Variants in NUP54 observed in about 807,000 individuals in gnomAD.
NUP54 encodes the protein nucleoporin 54.
In NUP54, 27 loss-of-function variants were observed where a neutral mutation model predicts 66.4. The ratio of observed to expected loss-of-function variants is 0.41; its 90% CI spans 0.30 to 0.56. NUP54 has a LOEUF of 0.56. NUP54 is among the 20% of genes least tolerant of loss of function. NUP54 has a pLI of 0.34. For missense variants in NUP54, 486 were observed against 596.3 expected (o/e 0.82, Z 1.93); for synonymous variants, 206 against 210.7 (o/e 0.98, Z 0.19).
intron 3 of NUP54, among the ~76,000 whole-genome samples, chr4:76,137,671 T>C (rs1006906245): frequency 6.9e-6 from 1 of 144,688 alleles, no homozygotes; most frequent in South Asian, 2.2e-4. Flanking sequence ...ATTTCTCTAA[T>C]GGAAAGAAGG....
At chr4:76,119,782 ACT>A (rs942548398) in intron 9 of NUP54, among the ~76,000 whole-genome samples, 19 of 152,186 alleles carry the variant, frequency 1.2e-4, no homozygotes, top group African/African-American at 4.3e-4. Flanking sequence ...AGCCCAGCTT[ACT>A]CTGTTAAAAA....
At chr4:76,147,448 A>C (rs1056566872) in intron 1 of NUP54, 2 of 1,279,720 alleles carry the variant, frequency 1.6e-6, no homozygotes, top group Non-Finnish European at 2.0e-6. Context: ...AGCTCCCAAC[A>C]CTGGTTACAC....
intron 4 of NUP54, 117 bp downstream of exon 4, chr4:76,136,069 T>C (rs970504210): frequency 1.4e-6 from 1 of 706,770 alleles, no homozygotes; most frequent in Non-Finnish European, 2.4e-6. Context: ...AATAAAAGTA[T>C]AATCATACCA....
rs935347032 is a variant in NUP54 at position 76,117,927 on chromosome 4, A to G, written c.1284+148T>C. 9.9e-6 allele frequency: 10 copies of G among 1,008,520 alleles called. 1 individual carries two copies. Among genetic ancestry groups the G allele is most frequent in the Admixed American group, 8.8e-5 (4 of 45,710 alleles). The allele number at this position is 1,008,520 out of a possible 1,614,324, so 62.5% of individuals were successfully genotyped here. ...TCGAAACACTAATACTAGCCAAAAGAACCATGACTGAGTTTACTTTAGAAA... is the reference window on the plus strand; with the variant it reads ...TCGAAACACTAATACTAGCCAAAAGGACCATGACTGAGTTTACTTTAGAAA... On this transcript the variant is annotated intron_variant, in intron 10 of 11. Coordinates refer to ENST00000264883, the MANE Select transcript of NUP54 (RefSeq NM_017426.4).
chr4:76,129,006 C>G (rs1196392508), intron 8 of NUP54, among the ~76,000 whole-genome samples: 1 of 152,146 alleles, frequency 6.6e-6, no homozygotes, highest in Non-Finnish European at 1.5e-5. Flanking sequence ...GATTAAGTTC[C>G]AGTGTTCTAT....
intron 8 of NUP54, among the ~76,000 whole-genome samples, chr4:76,125,690 G>GAGAGGGAGA (rs1553942286): frequency 9.8e-5 from 3 of 30,536 alleles, no homozygotes; most frequent in Non-Finnish European, 1.8e-4. Flanking sequence ...GGGAGAGGGA[G>GAGAGGGAGA]AGAGGGAGAA....
chr4:76,117,591 GA>G, intron 11 of NUP54, 72 bp downstream of exon 11: 1 of 888,944 alleles, frequency 1.1e-6, no homozygotes, highest in South Asian at 1.5e-5. Flanking sequence ...TTCTTATTAG[GA>G]TAATAGCCAT....
intron 8 of NUP54, among the ~76,000 whole-genome samples, chr4:76,126,024 G>A (rs1300005398): frequency 6.6e-6 from 1 of 152,128 alleles, no homozygotes; most frequent in Non-Finnish European, 1.5e-5. Context: ...ATATCTAGGG[G>A]GTGTCTTAAT....
chr4:76,118,873 T>G (rs1247685827), intron 9 of NUP54, among the ~76,000 whole-genome samples: 1 of 151,756 alleles, frequency 6.6e-6, no homozygotes, highest in Non-Finnish European at 1.5e-5. Context: ...ACGTTGATGG[T>G]GCACGCCTGT....
At chr4:76,118,899 G>C (rs892257198) in intron 9 of NUP54, among the ~76,000 whole-genome samples, 3 of 152,078 alleles carry the variant, frequency 2.0e-5, no homozygotes, top group African/African-American at 7.2e-5. Context: ...CAGCTACTCG[G>C]GAGGCTGAGG....
In NUP54 at chr4:76,148,293, AG is replaced by A; in HGVS notation, c.67+14del. 6.8e-7 allele frequency: 1 copy of A among 1,475,172 alleles called. No individual in the cohort carries two copies. Among genetic ancestry groups the A allele is most frequent in the South Asian group, 1.4e-5 (1 of 70,748 alleles). 91.4% of individuals were successfully genotyped at this position (1,475,172 alleles called of 1,614,324 possible). Reference sequence around the variant, plus strand: ...TCCCCTTCTTCCCGGGTGAAGGTCTAGGGGGATCACTCACCCGCGGGGGCCG... The same window carrying A: ...TCCCCTTCTTCCCGGGTGAAGGTCTAGGGGATCACTCACCCGCGGGGGCCG... On this transcript the variant is annotated intron_variant, in intron 1 of 11. Coordinates refer to ENST00000264883, the MANE Select transcript of NUP54 (RefSeq NM_017426.4).
intron 8 of NUP54, among the ~76,000 whole-genome samples, chr4:76,129,185 C>G (rs1578678344): frequency 6.6e-6 from 1 of 151,730 alleles, no homozygotes; most frequent in African/African-American, 2.4e-5. Context: ...CACACTATGC[C>G]CCATAAATAT....
intron 5 of NUP54, among the ~76,000 whole-genome samples, 170 bp downstream of exon 5, chr4:76,134,005 A>T (rs981659252): frequency 6.6e-6 from 1 of 152,232 alleles, no homozygotes; most frequent in African/African-American, 2.4e-5. Flanking sequence ...CCAAAATTTT[A>T]AAAAAACTTT....
intron 3 of NUP54, among the ~76,000 whole-genome samples, chr4:76,143,386 A>T (rs1731348026): frequency 6.6e-6 from 1 of 152,224 alleles, no homozygotes; most frequent in South Asian, 2.1e-4. Flanking sequence ...CAGGCAGATC[A>T]CGAGGTCAGG....
chr4:76,132,767 A>G (rs1367298648), intron 5 of NUP54, 48 bp from the exon 6 acceptor site: 2 of 1,416,766 alleles, frequency 1.4e-6, no homozygotes, highest in East Asian at 4.7e-5. Flanking sequence ...CAAAACTCAT[A>G]GCGACAAACC....
intron 3 of NUP54, among the ~76,000 whole-genome samples, chr4:76,137,820 T>C (rs1395595709): frequency 6.6e-6 from 1 of 152,238 alleles, no homozygotes; most frequent in African/African-American, 2.4e-5. Context: ...TATATTTTCT[T>C]TGTACTTAAT....
chr4:76,141,884 C>T (rs1731281510), intron 3 of NUP54, among the ~76,000 whole-genome samples: 1 of 148,184 alleles, frequency 6.7e-6, no homozygotes, highest in Non-Finnish European at 1.5e-5. Context: ...GTCATTTATG[C>T]ATTAAAAAAA....
At chr4:76,127,390 C>G (rs1730586962) in intron 8 of NUP54, among the ~76,000 whole-genome samples, 1 of 146,090 alleles carries the variant, frequency 6.8e-6, no homozygotes, top group African/African-American at 2.6e-5. Flanking sequence ...CGAGATTGCG[C>G]CACTGCACTC....
chr4:76,126,612 G>T (rs1023777140), intron 8 of NUP54, among the ~76,000 whole-genome samples: 3 of 151,460 alleles, frequency 2.0e-5, no homozygotes, highest in African/African-American at 7.3e-5. Flanking sequence ...ATCAGCCACA[G>T]TATTTATTAA....
Sources: gnomAD v4.1 joint callset for allele counts (sites outside exome capture counted in the v4.1 genomes callset) on GRCh38, gnomAD v4.1.1 for gene constraint, MANE v1.5 for transcripts, NCBI Gene and HGNC (gene_info 2026-07-23, HGNC 2026-07-21) for gene names.